Variants in RP2 observed in about 807,000 individuals in gnomAD.
RP2 encodes the protein protein XRP2.
Under a neutral mutation model 20.3 loss-of-function variants are expected in RP2, and 3 were observed. That is an observed-to-expected ratio of 0.15 (90% confidence interval 0.07 to 0.38). The LOEUF (loss-of-function observed/expected upper bound fraction) is 0.38, where lower values mean the gene tolerates loss of function less well. RP2 is among the 10% of genes least tolerant of loss of function. The pLI is 1.00. For synonymous variants in RP2, 75 were observed against 94.8 expected (o/e 0.79, Z 1.22); for missense variants, 233 against 268.5 (o/e 0.87, Z 0.92).
At chrX:46,878,548 T>C (rs781800097) in intron 4 of RP2, among the ~76,000 whole-genome samples, 2 of 111,479 alleles carry the variant, frequency 1.8e-5, no homozygotes, top group South Asian at 7.4e-4. Flanking sequence ...GACATTTTGG[T>C]TTTATCATCT....
intron 3 of RP2, 130 bp downstream of exon 3, chrX:46,860,232 T>TTG: frequency 1.9e-6 from 1 of 528,027 alleles, no homozygotes; most frequent in South Asian, 2.8e-5. Flanking sequence ...TTTTCTATTA[T>TTG]TGTTCTGAAA....
intron 3 of RP2, among the ~76,000 whole-genome samples, chrX:46,863,467 G>A (rs1290019246): frequency 8.9e-6 from 1 of 112,183 alleles, no homozygotes; most frequent in Non-Finnish European, 1.9e-5. Flanking sequence ...GCTCAGCAGT[G>A]CGCTGATTCC....
chrX:46,842,572 T>C (rs1924641741), intron 1 of RP2, among the ~76,000 whole-genome samples: 1 of 111,992 alleles, frequency 8.9e-6, no homozygotes, highest in Admixed American at 9.5e-5. Flanking sequence ...CATGGTCTAA[T>C]TTTAGAACAT....
intron 2 of RP2, among the ~76,000 whole-genome samples, chrX:46,859,179 G>A (rs1231140788): frequency 8.9e-6 from 1 of 111,844 alleles, no homozygotes; most frequent in African/African-American, 3.2e-5. Context: ...TTTGTATCAT[G>A]CCTTTTAAAA....
intron 1 of RP2, among the ~76,000 whole-genome samples, chrX:46,844,165 A>AT (rs1385459134): frequency 9.0e-6 from 1 of 111,663 alleles, no homozygotes; most frequent in Non-Finnish European, 1.9e-5. Flanking sequence ...AGCTTAGTAC[A>AT]TTTTTTTTAT....
intron 3 of RP2, among the ~76,000 whole-genome samples, chrX:46,869,686 C>T (rs1925253216): frequency 9.7e-6 from 1 of 103,537 alleles, no homozygotes; most frequent in Non-Finnish European, 2.0e-5. Flanking sequence ...CTCGGCTCAC[C>T]GCAACCCCCG....
At chrX:46,874,030 C>G (rs1177345747) in intron 3 of RP2, among the ~76,000 whole-genome samples, 1 of 111,011 alleles carries the variant, frequency 9.0e-6, no homozygotes, top group Non-Finnish European at 1.9e-5. Flanking sequence ...CAGCTGCGTT[C>G]TAGGAACACC....
chrX:46,876,901 A>G (rs797029533), intron 3 of RP2, among the ~76,000 whole-genome samples: 1 of 112,533 alleles, frequency 8.9e-6, no homozygotes, highest in East Asian at 2.8e-4. Flanking sequence ...AAATTAATGT[A>G]TGAGAAAGGA....
rs782311718 is a variant in RP2, at chrX:46,854,195, C to T, written c.768+54C>T. Reference sequence around the variant, plus strand: ...TACACCTAGATTTAAAAATGTACCACTCTGGAGTACTTCCATTCTTTTCAA... The same window carrying T: ...TACACCTAGATTTAAAAATGTACCATTCTGGAGTACTTCCATTCTTTTCAA... On this transcript the variant is annotated intron_variant, in intron 2 of 4. Coordinates refer to ENST00000218340, the MANE Select transcript of RP2 (RefSeq NM_006915.3). 1.0e-4 allele frequency: 112 copies of T among 1,084,359 alleles called. No homozygotes were observed. In the South Asian group the frequency reaches 2.1e-3, roughly 20 times the overall value. 89.4% of individuals were successfully genotyped at this position (1,084,359 alleles called of 1,213,427 possible). A position where few individuals can be genotyped will look rare whatever the true frequency, so the allele number is the denominator to read the frequency against.
chrX:46,847,766 ATGTG>A (rs1271483653), intron 1 of RP2, among the ~76,000 whole-genome samples: 104 of 60,293 alleles, frequency 1.7e-3, no homozygotes, highest in Non-Finnish European at 2.4e-3. Flanking sequence ...ATATACACAC[ATGTG>A]TGTGTGTACA....
chrX:46,847,788 A>ATATGTGTGTGTGTATATACACACGTG (rs1491500763), intron 1 of RP2, among the ~76,000 whole-genome samples: 1 of 58,692 alleles, frequency 1.7e-5, no homozygotes, highest in South Asian at 6.7e-4. Context: ...ACATACACAC[A>ATATGTGTGTGTGTATATACACACGTG]TGTGTGTGTG....
chrX:46,878,594 A>G (rs1269624582), intron 4 of RP2, among the ~76,000 whole-genome samples: 2 of 111,546 alleles, frequency 1.8e-5, no homozygotes, highest in East Asian at 5.6e-4. Flanking sequence ...TACAAAAATT[A>G]AAGTACTTTG....
chrX:46,837,045 A>C lies in RP2; in HGVS notation c.-56A>C. On this transcript the variant is annotated 5_prime_UTR_variant, in exon 1 of 5. Coordinates refer to ENST00000218340, the MANE Select transcript of RP2 (RefSeq NM_006915.3). ...CCGGGGTTCCCAGGGTTCACGCCAC[A>C]CTCTAGGAAGTGCCTGAGCTAGTGA... The C allele has an allele frequency of 9.0e-7, 1 of 1,114,128 alleles. No homozygotes were observed. Among genetic ancestry groups the C allele is most frequent in the Non-Finnish European group, 1.2e-6 (1 of 824,508 alleles). 91.8% of individuals were successfully genotyped at this position (1,114,128 alleles called of 1,213,427 possible).
At chrX:46,847,788 A>ATATATG (rs1491500763) in intron 1 of RP2, among the ~76,000 whole-genome samples, 14 of 58,656 alleles carry the variant, frequency 2.4e-4, no homozygotes, top group African/African-American at 1.5e-3. Context: ...ACATACACAC[A>ATATATG]TGTGTGTGTG....
intron 1 of RP2, 141 bp downstream of exon 1, chrX:46,837,343 C>G: frequency 1.5e-6 from 1 of 654,376 alleles, no homozygotes; most frequent in Non-Finnish European, 2.4e-6. Flanking sequence ...GGGTGCACGA[C>G]TTTTTTGGGG....
chrX:46,848,375 TTTTC>T (rs1371467629), intron 1 of RP2, among the ~76,000 whole-genome samples: 90 of 108,288 alleles, frequency 8.3e-4, no homozygotes, highest in African/African-American at 2.8e-3. Flanking sequence ...CTCTTGAAAT[TTTTC>T]TTTGATTTTT....
chrX:46,856,889 A>G (rs896803540), intron 2 of RP2, among the ~76,000 whole-genome samples: 1 of 112,461 alleles, frequency 8.9e-6, no homozygotes, highest in Middle Eastern at 4.2e-3. Context: ...AACATGCTGA[A>G]AGACAAAAGA....
At chrX:46,862,533 G>A (rs983093932) in intron 3 of RP2, among the ~76,000 whole-genome samples, 4 of 110,240 alleles carry the variant, frequency 3.6e-5, no homozygotes, top group African/African-American at 6.6e-5. Context: ...GGTGGCGGGC[G>A]CCTGTAGTCC....
chrX:46,847,713 CACAT>C lies in RP2; in HGVS notation c.103-5761_103-5758del, dbSNP rs1275356034. 1.5e-3 allele frequency among the ~76,000 whole-genome samples: 130 copies of C among 88,583 alleles called. 1 individual carries two copies. Among genetic ancestry groups the C allele is most frequent in the African/African-American group, 5.4e-3 (125 of 23,126 alleles). The allele number at this position is 88,583 out of a possible 115,157, so 76.9% of individuals were successfully genotyped here. A position where few individuals can be genotyped will look rare whatever the true frequency, so the allele number is the denominator to read the frequency against. ...ATATATGTGTGTGTGTATATATACA[CACAT>C]ATATGTGTGTGTGTATATACACACA... is the stretch of plus-strand genomic sequence containing the variant. On this transcript the variant is annotated intron_variant, in intron 1 of 4. Transcript: ENST00000218340.
Sources: allele counts gnomAD v4.1 joint callset (sites outside exome capture counted in the v4.1 genomes callset), GRCh38; gene constraint gnomAD v4.1.1; transcripts MANE v1.5; gene names NCBI Gene and HGNC (gene_info 2026-07-23, HGNC 2026-07-21).